The following TJP1 variants were observed in gnomAD, a reference collection of about 807,000 sequenced individuals.
The protein encoded by TJP1 is tight junction protein 1.
TJP1 carries 43 observed loss-of-function variants against 194.2 expected under a neutral mutation model. The ratio of observed to expected loss-of-function variants is 0.22; its 90% CI spans 0.17 to 0.29. The LOEUF is 0.29. Among genes scored for constraint, TJP1 ranks in the 10% least tolerant of loss-of-function variants. TJP1 has a pLI of 1.00. For synonymous variants in TJP1, 801 were observed against 779.0 expected (o/e 1.03, Z -0.47); for missense variants, 1,971 against 2,185.7 (o/e 0.90, Z 1.96).
chr15:29,706,379 C>T (rs2041900398), intron 25 of TJP1, among the ~76,000 whole-genome samples: 1 of 152,156 alleles, frequency 6.6e-6, no homozygotes, highest in Admixed American at 6.5e-5. Flanking sequence ...GCCTTGAACA[C>T]CCAACTACAG....
intron 20 of TJP1, 134 bp from the exon 21 acceptor site, chr15:29,719,272 A>G: frequency 8.9e-7 from 1 of 1,127,856 alleles, no homozygotes; most frequent in Non-Finnish European, 1.2e-6. Flanking sequence ...ATCAGGATAG[A>G]CAAGATTAGT....
At chr15:29,814,166 A>G (rs1324094273) in intron 1 of TJP1, among the ~76,000 whole-genome samples, 2 of 152,236 alleles carry the variant, frequency 1.3e-5, no homozygotes, top group Non-Finnish European at 2.9e-5. Flanking sequence ...ACTCTGCTAA[A>G]CAGCAAGCCC....
chr15:29,809,283 C>T (rs1224157662), intron 1 of TJP1, among the ~76,000 whole-genome samples: 1 of 152,102 alleles, frequency 6.6e-6, no homozygotes, highest in East Asian at 1.9e-4. Flanking sequence ...GTGGCTACTA[C>T]ATTAGACAGA....
Position 29,822,141 on chromosome 15 carries a change from C to A in TJP1, c.-113G>T. The A allele has an allele frequency of 8.4e-7, 1 of 1,194,968 alleles. No individual in the cohort carries two copies. Among genetic ancestry groups the A allele is most frequent in the Non-Finnish European group, 1.0e-6 (1 of 962,826 alleles). The allele number at this position is 1,194,968 out of a possible 1,614,324, so 74.0% of individuals were successfully genotyped here. A position where few individuals can be genotyped will look rare whatever the true frequency, so the allele number is the denominator to read the frequency against. On this transcript the variant is annotated 5_prime_UTR_variant, in exon 1 of 28. Transcript: ENST00000614355. ...AAACATCTCCCGAGAGCGAGCGGGG[C>A]ACGGGCGGGGGCGGCCGGAAGGGCC...
At chr15:29,831,357 A>C (rs1159608212) in intron 2 of TJP1, among the ~76,000 whole-genome samples, 2 of 151,524 alleles carry the variant, frequency 1.3e-5, no homozygotes, top group South Asian at 4.1e-4. Flanking sequence ...CAAGACAAGC[A>C]AACATTTATG....
chr15:29,854,317 G>C (rs550637373), intron 2 of TJP1, among the ~76,000 whole-genome samples: 1 of 152,244 alleles, frequency 6.6e-6, no homozygotes, highest in East Asian at 1.9e-4. Flanking sequence ...ACCTAGGAAG[G>C]TGACCTTATT....
intron 1 of TJP1, chr15:29,968,172 T>TA: frequency 1.0e-6 from 1 of 985,438 alleles, no homozygotes. Context: ...AATGCAATAA[T>TA]AATTTCCCAA....
At chr15:29,855,618 G>C (rs568175177) in intron 2 of TJP1, among the ~76,000 whole-genome samples, 2 of 152,248 alleles carry the variant, frequency 1.3e-5, no homozygotes, top group Admixed American at 1.3e-4. Context: ...CACTTTGGGA[G>C]GCCAAGGCAG....
At chr15:29,929,462 C>T (rs1251621294) in intron 2 of TJP1, among the ~76,000 whole-genome samples, 5 of 151,986 alleles carry the variant, frequency 3.3e-5, no homozygotes, top group Admixed American at 1.3e-4. Flanking sequence ...TTTGGGAGGC[C>T]GGGGGAAGTG....
At chr15:29,918,905 G>A (rs543956911) in intron 2 of TJP1, among the ~76,000 whole-genome samples, 7 of 152,190 alleles carry the variant, frequency 4.6e-5, no homozygotes, top group Admixed American at 2.6e-4. Context: ...GAGAAGAAAG[G>A]TGTTTATCAA....
At chr15:29,930,821 T>A (rs1303381736) in intron 2 of TJP1, among the ~76,000 whole-genome samples, 1 of 152,204 alleles carries the variant, frequency 6.6e-6, no homozygotes, top group African/African-American at 2.4e-5. Flanking sequence ...CTACACAGAA[T>A]AACTAAGAAA....
At chr15:29,823,594 T>C (rs906119263), upstream of TJP1, 1 of 152,146 alleles carries the variant, frequency 6.6e-6, no homozygotes, top group African/African-American at 2.4e-5. Flanking sequence ...CAAAGAAGTA[T>C]GTGTAGGTGA....
intron 18 of TJP1, among the ~76,000 whole-genome samples, chr15:29,725,431 G>A (rs942384197): frequency 6.6e-6 from 1 of 152,092 alleles, no homozygotes; most frequent in Admixed American, 6.5e-5. Context: ...GCCAGGCAGA[G>A]GAAGGTAGGG....
intron 2 of TJP1, among the ~76,000 whole-genome samples, chr15:29,793,269 G>C (rs952124031): frequency 4.6e-5 from 7 of 152,256 alleles, no homozygotes; most frequent in African/African-American, 1.7e-4. Context: ...TTGTGTTGAG[G>C]CATGTTCCTT....
intron 2 of TJP1, among the ~76,000 whole-genome samples, chr15:29,868,583 G>C (rs530698442): frequency 6.6e-6 from 1 of 152,306 alleles, no homozygotes; most frequent in Admixed American, 6.5e-5. Context: ...AATATTTATG[G>C]AAAGGAAGAA....
intron 2 of TJP1, among the ~76,000 whole-genome samples, chr15:29,859,250 C>CTTTGACTGATTAT (rs1384842429): frequency 2.8e-4 from 42 of 152,316 alleles, no homozygotes; most frequent in African/African-American, 9.4e-4. Context: ...GTGTTCGCAT[C>CTTTGACTGATTAT]TATTATCTTT....
At chr15:29,761,531 T>C (rs2046006919) in intron 7 of TJP1, 70 bp downstream of exon 7, 4 of 1,501,728 alleles carry the variant, frequency 2.7e-6, no homozygotes, top group Non-Finnish European at 3.6e-6. Context: ...CATTCAAAGA[T>C]GTTCAATCTC....
chr15:29,928,695 G>A (rs922671283), intron 2 of TJP1, among the ~76,000 whole-genome samples: 1 of 152,172 alleles, frequency 6.6e-6, no homozygotes, highest in African/African-American at 2.4e-5. Flanking sequence ...TGTAATCCCA[G>A]CACTTTGGGA....
At chr15:29,919,611 C>T (rs890895808) in intron 2 of TJP1, among the ~76,000 whole-genome samples, 1 of 152,022 alleles carries the variant, frequency 6.6e-6, no homozygotes, top group Non-Finnish European at 1.5e-5. Flanking sequence ...ACTGGAAAGA[C>T]CAGAGGTGAC....
Sources: gnomAD v4.1 joint callset for allele counts (sites outside exome capture counted in the v4.1 genomes callset) on GRCh38, gnomAD v4.1.1 for gene constraint, MANE v1.5 for transcripts, NCBI Gene and HGNC (gene_info 2026-07-23, HGNC 2026-07-21) for gene names.